Variants in CBL observed in about 807,000 individuals in gnomAD.
CBL encodes E3 ubiquitin-protein ligase CBL.
A neutral mutation model predicts 96.9 loss-of-function variants in CBL; 45 were observed. The observed-to-expected ratio is 0.46, with a 90% CI of 0.37 to 0.60. The LOEUF is 0.60. Ranked by LOEUF, CBL falls within the 20% of genes least tolerant of loss-of-function variation. The pLI, the probability that CBL is intolerant of heterozygous loss-of-function variation, is 0.00. For synonymous variants in CBL, 420 were observed against 426.8 expected, an observed-to-expected ratio of 0.98 and a Z score of 0.20; for missense variants, 1,024 against 1,143.5, an observed-to-expected ratio of 0.90 and a Z score of 1.51.
chr11:119,271,822 C>T lies in CBL; in HGVS notation c.531C>T (p.Asp177=). The change falls in exon 3 of 16, where the codon GAC becomes GAT. Residue 177 remains aspartate (D), a synonymous_variant. Transcript: ENST00000264033. Reference sequence around the variant, plus strand: ...TTCCAAGTGGACTCTTTCAGGGAGACACATTTCGGATTACTAAAGCAGATG... The same window carrying T: ...TTCCAAGTGGACTCTTTCAGGGAGATACATTTCGGATTACTAAAGCAGATG... The part of the protein sequence containing the change: ...GIFPSGLFQG[D]TFRITKADAA... The T allele has an allele frequency of 6.2e-7, 1 of 1,613,908 alleles. No individual in the cohort carries two copies. Among genetic ancestry groups the T allele is most frequent in the South Asian group, 1.1e-5 (1 of 91,082 alleles).
intron 1 of CBL, among the ~76,000 whole-genome samples, chr11:119,214,806 C>G (rs559355412): frequency 6.6e-6 from 1 of 151,548 alleles, no homozygotes; most frequent in Admixed American, 6.6e-5. Context: ...CTCTCTCTCT[C>G]GCCCATTAGA....
intron 2 of CBL, among the ~76,000 whole-genome samples, chr11:119,258,001 C>T (rs1367106987): frequency 6.6e-6 from 1 of 151,936 alleles, no homozygotes; most frequent in East Asian, 1.9e-4. Context: ...CTGAGGCAGG[C>T]GGGTCACTTG....
intron 1 of CBL, among the ~76,000 whole-genome samples, chr11:119,231,946 A>C (rs1314173576): frequency 6.6e-6 from 1 of 151,300 alleles, no homozygotes; most frequent in Non-Finnish European, 1.5e-5. Flanking sequence ...AAAAAAAAAA[A>C]CAACAATTAG....
chr11:119,224,997 C>A (rs1047251420), intron 1 of CBL, among the ~76,000 whole-genome samples: 47 of 151,240 alleles, frequency 3.1e-4, no homozygotes, highest in African/African-American at 1.1e-3. Context: ...AACTGTATAC[C>A]TTTTTTTCAG....
chr11:119,236,384 A>G (rs922584085), intron 2 of CBL, among the ~76,000 whole-genome samples: 3 of 151,872 alleles, frequency 2.0e-5, no homozygotes, highest in Non-Finnish European at 2.9e-5. Flanking sequence ...TGTTTTTACA[A>G]TTCACCCATA....
chr11:119,283,718 A>C lies in CBL; in HGVS notation c.1432-1251A>C, dbSNP rs555310199. Reference sequence around the variant, plus strand: ...AGTGGCGCTATCTCGGCTCACTGCAAGCTCCGCCTCCCGGGTTCATGCCAT... The same window carrying C: ...AGTGGCGCTATCTCGGCTCACTGCACGCTCCGCCTCCCGGGTTCATGCCAT... On this transcript the variant is annotated intron_variant, in intron 9 of 15. Transcript: ENST00000264033. Among the ~76,000 whole-genome samples, 4 of 131,628 alleles carry C rather than the reference A, an allele frequency of 3.0e-5. No homozygotes were observed. In the South Asian group the frequency reaches 7.4e-4, roughly 24 times the overall value. The allele number at this position is 131,628 out of a possible 152,430, so 86.4% of individuals were successfully genotyped here.
In CBL at chr11:119,273,029, G is replaced by A. The variant is rs531595692; in HGVS notation, c.591-839G>A. 6.7e-5 allele frequency among the ~76,000 whole-genome samples: 10 copies of A among 149,464 alleles called. No individual in the cohort carries two copies. In the South Asian group the frequency reaches 2.1e-3, roughly 32 times the overall value. Reference sequence around the variant, plus strand: ...ATGTCACTCTCTTGCCTAGTCTGGTGTGCAGTGGTACAATCAATCATAGCT... The same window carrying A: ...ATGTCACTCTCTTGCCTAGTCTGGTATGCAGTGGTACAATCAATCATAGCT... On this transcript the variant is annotated intron_variant, in intron 3 of 15. Transcript: ENST00000264033.
intron 6 of CBL, among the ~76,000 whole-genome samples, chr11:119,276,730 A>G (rs528348708): frequency 6.6e-6 from 1 of 152,356 alleles, no homozygotes; most frequent in South Asian, 2.1e-4. Flanking sequence ...GTGATTAGGA[A>G]AATACATTTT....
chr11:119,265,280 G>A (rs1324935987), intron 2 of CBL, among the ~76,000 whole-genome samples: 1 of 152,162 alleles, frequency 6.6e-6, no homozygotes, highest in African/African-American at 2.4e-5. Context: ...GACTTTTGAA[G>A]TAGGTGAGAT....
chr11:119,266,858 A>C (rs992747418), intron 2 of CBL, among the ~76,000 whole-genome samples: 1 of 152,182 alleles, frequency 6.6e-6, no homozygotes, highest in Admixed American at 6.5e-5. Context: ...GAACTGAAGG[A>C]AGGAAAGTTC....
chr11:119,248,926 T>C (rs1949651136), intron 2 of CBL, among the ~76,000 whole-genome samples: 3 of 152,146 alleles, frequency 2.0e-5, no homozygotes, highest in Non-Finnish European at 2.9e-5. Context: ...AAAACCACAA[T>C]GAGATACCAC....
Position 119,299,489 on chromosome 11 carries a change from T to C in CBL, c.2435-6T>C. 6.2e-7 allele frequency: 1 copy of C among 1,613,698 alleles called. No individual in the cohort carries two copies. On this transcript the variant is annotated splice_polypyrimidine_tract_variant and splice_region_variant and intron_variant, in intron 15 of 15. Coordinates refer to ENST00000264033, the MANE Select transcript of CBL (RefSeq NM_005188.4). ...TTGCAAATATTTTCTTTCCTATTTC[T>C]TCTAGATGTCACTGAAGGTTCCCAA... is the stretch of plus-strand genomic sequence containing the variant.
intron 12 of CBL, among the ~76,000 whole-genome samples, chr11:119,293,491 C>T (rs2135317327): frequency 6.6e-6 from 1 of 152,218 alleles, no homozygotes; most frequent in South Asian, 2.1e-4. Flanking sequence ...GGCAAGACAG[C>T]CAAAATATCT....
intron 9 of CBL, 71 bp from the exon 10 acceptor site, chr11:119,284,898 A>T (rs1471253027): frequency 1.9e-6 from 3 of 1,580,780 alleles, no homozygotes; most frequent in South Asian, 1.1e-5. Flanking sequence ...TGCCATCCAC[A>T]GCTTTAGGAG....
intron 1 of CBL, among the ~76,000 whole-genome samples, chr11:119,210,431 T>G (rs1326826906): frequency 6.6e-6 from 1 of 151,970 alleles, no homozygotes; most frequent in African/African-American, 2.4e-5. Flanking sequence ...GTGTTTAATT[T>G]AGTAAGAGAC....
intron 2 of CBL, among the ~76,000 whole-genome samples, chr11:119,246,443 A>G (rs528488943): frequency 1.5e-4 from 23 of 151,872 alleles, no homozygotes; most frequent in African/African-American, 5.3e-4. Flanking sequence ...CCAAAACTGA[A>G]CGAGTGTTAG....
chr11:119,206,450 CG>C lies in CBL; in HGVS notation c.38del (p.Gly13AlafsTer13), dbSNP rs2135243966. ...AGNVKKSSGA[G>X]GGSGSGGSGS... is the part of the protein sequence containing the mutation. Reference sequence around the variant, plus strand: ...GCAACGTGAAGAAGAGCTCTGGGGCCGGGGGCGGCAGCGGCTCCGGGGGCTC... The same window carrying C: ...GCAACGTGAAGAAGAGCTCTGGGGCCGGGGCGGCAGCGGCTCCGGGGGCTC... On this transcript the variant is annotated frameshift_variant, in exon 1 of 16. Coordinates refer to ENST00000264033, the MANE Select transcript of CBL (RefSeq NM_005188.4). LOFTEE classifies it high-confidence loss of function. 5.7e-6 allele frequency: 9 copies of C among 1,580,674 alleles called. No homozygotes were observed. The highest frequency in any genetic ancestry group is 3.4e-6 in the Non-Finnish European group (4 of 1,167,882).
intron 15 of CBL, 91 bp downstream of exon 15, chr11:119,298,631 T>G: frequency 9.0e-7 from 1 of 1,105,398 alleles, no homozygotes; most frequent in Admixed American, 1.7e-5. Flanking sequence ...CTGGTGACAG[T>G]AAGTCAGTAT....
rs2135296977 is a variant in CBL, at chr11:119,271,722, T to C, written c.444-13T>C. ...TTTTATGTGTTTAATTATTGCATTC[T>C]GATCATTTGTAGGCGAAACCTAACC... is the stretch of plus-strand genomic sequence containing the variant. On this transcript the variant is annotated splice_polypyrimidine_tract_variant and intron_variant, in intron 2 of 15. Coordinates refer to ENST00000264033, the MANE Select transcript of CBL (RefSeq NM_005188.4). 6.2e-7 allele frequency: 1 copy of C among 1,611,856 alleles called. No individual in the cohort carries two copies. Among genetic ancestry groups the C allele is most frequent in the African/African-American group, 1.3e-5 (1 of 75,006 alleles).
Sources: allele counts gnomAD v4.1 joint callset (sites outside exome capture counted in the v4.1 genomes callset), GRCh38; gene constraint gnomAD v4.1.1; transcripts MANE v1.5; gene names NCBI Gene and HGNC (gene_info 2026-07-23, HGNC 2026-07-21).